The following TMEM50A variants were observed in gnomAD, a reference collection of about 807,000 sequenced individuals.
The protein encoded by TMEM50A is cervical cancer oncogene 9.
In TMEM50A, 8 loss-of-function variants were observed where a neutral mutation model predicts 23.9. The observed-to-expected ratio is 0.33, with a 90% CI of 0.20 to 0.60. The LOEUF (loss-of-function observed/expected upper bound fraction) is 0.60. Among genes scored for constraint, TMEM50A ranks in the 20% least tolerant of loss-of-function variants. The pLI is 0.81. For synonymous variants in TMEM50A, 55 were observed against 60.4 expected, an observed-to-expected ratio of 0.91 and a Z score of 0.41; for missense variants, 178 against 192.7, an observed-to-expected ratio of 0.92 and a Z score of 0.45.
At chr1:25,348,088 T>C (rs946655008) in intron 3 of TMEM50A, among the ~76,000 whole-genome samples, 11 of 152,356 alleles carry the variant, frequency 7.2e-5, no homozygotes, top group African/African-American at 2.6e-4. Context: ...ACGTGTTTCC[T>C]GCTAAACTTA....
Position 25,353,018 on chromosome 1 carries a change from G to A in TMEM50A, c.367+44G>A, listed in dbSNP as rs772146077. The A allele has an allele frequency of 5.2e-6, 8 of 1,535,990 alleles. No individual in the cohort carries two copies. The African/African-American group carries it at 8.4e-5, about 16-fold the overall frequency. On this transcript the variant is annotated intron_variant, in intron 5 of 6. Coordinates refer to ENST00000374358, the MANE Select transcript of TMEM50A (RefSeq NM_014313.4). Reference sequence around the variant, plus strand: ...TACAATTTACTTCAGTGGAATACTGGAATTTTGCATTAAAGTTGGTTATTT... The same window carrying A: ...TACAATTTACTTCAGTGGAATACTGAAATTTTGCATTAAAGTTGGTTATTT...
At chr1:25,354,395 A>G (rs988728377) in intron 5 of TMEM50A, among the ~76,000 whole-genome samples, 2 of 152,184 alleles carry the variant, frequency 1.3e-5, no homozygotes, top group Non-Finnish European at 2.9e-5. Context: ...GGAGTACTGC[A>G]TGAGGCCAGG....
chr1:25,343,576 T>C (rs932164284), intron 3 of TMEM50A, among the ~76,000 whole-genome samples: 2 of 152,114 alleles, frequency 1.3e-5, no homozygotes, highest in Admixed American at 1.3e-4. Flanking sequence ...AATTTTTTTT[T>C]TTATAGAGAG....
chr1:25,354,019 G>GTCTGT (rs1375149795), intron 5 of TMEM50A, among the ~76,000 whole-genome samples: 1 of 151,258 alleles, frequency 6.6e-6, no homozygotes, highest in Admixed American at 6.6e-5. Context: ...TTGAGACAGG[G>GTCTGT]TCTGCTCTGT....
Position 25,343,067 on chromosome 1 carries a change from T to C in TMEM50A, c.200T>C (p.Phe67Ser), listed in dbSNP as rs1277206797. The C allele has an allele frequency of 6.2e-7, 1 of 1,608,020 alleles. No individual in the cohort carries two copies. Among genetic ancestry groups the C allele is most frequent in the South Asian group, 1.1e-5 (1 of 89,526 alleles). The part of the protein sequence containing the change: ...HACGVIATIA[F>S]LMINAVSNGQ... ...TGTGGTGTTATAGCAACCATAGCCT[T>C]CCTAATGTAAGTGTCATCGTAATTG... Residue 67 changes from phenylalanine (F) to serine (S), a missense_variant, in exon 3 of 7, where the codon TTC becomes TCC. Phe to Ser is a radical substitution (Grantham distance 155, BLOSUM62 -2). Coordinates refer to ENST00000374358, the MANE Select transcript of TMEM50A (RefSeq NM_014313.4).
chr1:25,356,644 T>C, intron 5 of TMEM50A, 149 bp from the exon 6 acceptor site: 1 of 597,344 alleles, frequency 1.7e-6, no homozygotes, highest in Non-Finnish European at 2.9e-6. Context: ...TGCTAGACTC[T>C]GTTACACATT....
chr1:25,352,792 T>C (rs948471890), intron 4 of TMEM50A, 90 bp from the exon 5 acceptor site: 22 of 1,239,112 alleles, frequency 1.8e-5, no homozygotes, highest in Non-Finnish European at 2.4e-5. Flanking sequence ...TTGCACTTTT[T>C]TTTTTTCTGT....
intron 4 of TMEM50A, 71 bp downstream of exon 4, chr1:25,351,764 C>A (rs185902207): frequency 1.5e-6 from 2 of 1,301,204 alleles, no homozygotes; most frequent in East Asian, 4.7e-5. Flanking sequence ...CATGGAAATA[C>A]CACTTTTCTA....
chr1:25,339,456 ATAGAAATG>A (rs1338881144), intron 1 of TMEM50A, among the ~76,000 whole-genome samples: 10 of 152,234 alleles, frequency 6.6e-5, no homozygotes, highest in African/African-American at 2.2e-4. Flanking sequence ...TGTTCTTTAT[ATAGAAATG>A]ACACCAAAAG....
Position 25,361,872 on chromosome 1 carries a change from A to G in TMEM50A, c.*1167A>G, listed in dbSNP as rs1441821952. The G allele has an allele frequency of 6.4e-6, 1 of 156,956 alleles. No homozygotes were observed. The highest frequency in any genetic ancestry group is 1.4e-5 in the Non-Finnish European group (1 of 70,850). The allele number at this position is 156,956 out of a possible 1,614,324, so 9.7% of individuals were successfully genotyped here. ...TGAACTCCTGATGTTTTTTCTACAAAAGTCCATAAAATGTGAAAACTGGAG... is the reference window on the plus strand; with the variant it reads ...TGAACTCCTGATGTTTTTTCTACAAGAGTCCATAAAATGTGAAAACTGGAG... On this transcript the variant is annotated 3_prime_UTR_variant, in exon 7 of 7. Coordinates refer to ENST00000374358, the MANE Select transcript of TMEM50A (RefSeq NM_014313.4).
At chr1:25,358,900 G>A (rs1645364371) in intron 6 of TMEM50A, among the ~76,000 whole-genome samples, 2 of 152,168 alleles carry the variant, frequency 1.3e-5, no homozygotes, top group African/African-American at 4.8e-5. Flanking sequence ...GATTACAGGC[G>A]CATGCCACCA....
At position 25,340,544 on chromosome 1, in the gene TMEM50A, C is replaced by G. The variant is rs1466675740; in HGVS notation, c.58C>G (p.Arg20Gly). 2 of 1,613,596 alleles carry G rather than the reference C, an allele frequency of 1.2e-6. No individual in the cohort carries two copies. The highest frequency in any genetic ancestry group is 3.3e-5 in the Admixed American group (2 of 59,936). Residue 20 changes from arginine (R) to glycine (G), a missense_variant, in exon 2 of 7, where the codon CGC becomes GGC. By Grantham distance (125) the Arg-to-Gly change is moderately radical. Coordinates refer to ENST00000374358, the MANE Select transcript of TMEM50A (RefSeq NM_014313.4). ...AGAATGCATTGACTGGGGGGAAAAG[C>G]GCAATACTATTGCTTCCATTGCTGC... ...CSECIDWGEK[R>G]NTIASIAAGV...
intron 6 of TMEM50A, among the ~76,000 whole-genome samples, chr1:25,357,528 AGTGTGTGTGTGTGTGTGT>A (rs58801158): frequency 1.4e-5 from 2 of 139,564 alleles, no homozygotes; most frequent in Non-Finnish European, 3.1e-5. Flanking sequence ...CTGCATCAGG[AGTGTGTGTGTGTGTGTGT>A]GTGTGTGTGT....
In TMEM50A at chr1:25,348,924, A is replaced by G. The variant is rs139885411; in HGVS notation, c.207-2702A>G. On this transcript the variant is annotated intron_variant, in intron 3 of 6. Coordinates refer to ENST00000374358, the MANE Select transcript of TMEM50A (RefSeq NM_014313.4). Reference sequence around the variant, plus strand: ...AAGCATGAGAGGCATCCTCTATAGAAAGACAAGTTGTGGTGGCCCAGAGCA... The same window carrying G: ...AAGCATGAGAGGCATCCTCTATAGAGAGACAAGTTGTGGTGGCCCAGAGCA... Among the ~76,000 whole-genome samples the G allele has an allele frequency of 6.4e-3, 972 of 152,294 alleles. 4 individuals carry two copies. The highest frequency in any genetic ancestry group is 0.017 in the Middle Eastern group (5 of 294).
At chr1:25,355,825 C>T (rs1016637943) in intron 5 of TMEM50A, among the ~76,000 whole-genome samples, 6 of 152,276 alleles carry the variant, frequency 3.9e-5, no homozygotes, top group African/African-American at 1.4e-4. Flanking sequence ...AATGTTGCTC[C>T]AGCAGTCCTT....
At chr1:25,342,112 T>C (rs1273713912) in intron 2 of TMEM50A, among the ~76,000 whole-genome samples, 1 of 152,178 alleles carries the variant, frequency 6.6e-6, no homozygotes, top group Middle Eastern at 3.2e-3. Flanking sequence ...ATGTTATTAA[T>C]CGAGTATGGA....
At chr1:25,358,082 G>A (rs1645355332) in intron 6 of TMEM50A, among the ~76,000 whole-genome samples, 1 of 151,854 alleles carries the variant, frequency 6.6e-6, no homozygotes, top group African/African-American at 2.4e-5. Context: ...CGAGTAGCTG[G>A]GATTACAGGC....
chr1:25,351,707 AAC>A lies in TMEM50A; in HGVS notation c.274+16_274+17del. 4 of 1,607,222 alleles carry A rather than the reference AAC, an allele frequency of 2.5e-6. No homozygotes were observed. Among genetic ancestry groups the A allele is most frequent in the Non-Finnish European group, 3.4e-6 (4 of 1,177,034 alleles). ...TGGGTCAAACAGGTAAATAGGTGCA[AAC>A]AGCATCTTATTATACATGCTTAAAT... On this transcript the variant is annotated intron_variant, in intron 4 of 6. Transcript: ENST00000374358.
chr1:25,352,577 A>T (rs1002771265), intron 4 of TMEM50A, among the ~76,000 whole-genome samples: 6 of 152,058 alleles, frequency 3.9e-5, no homozygotes, highest in Non-Finnish European at 8.8e-5. Flanking sequence ...GGTGAAACAG[A>T]TTTTATGAGA....
Sources: gnomAD v4.1 joint callset for allele counts (sites outside exome capture counted in the v4.1 genomes callset) on GRCh38, gnomAD v4.1.1 for gene constraint, MANE v1.5 for transcripts, NCBI Gene and HGNC (gene_info 2026-07-23, HGNC 2026-07-21) for gene names.